GALNT17: variants seen among roughly 807,000 people sequenced by gnomAD.
GALNT17 encodes UDP-GalNAc:polypeptide N-acetylgalactosaminyltransferase-like 3.
A neutral mutation model predicts 63.7 loss-of-function variants in GALNT17; 29 were observed. That is an observed-to-expected ratio of 0.46 (90% confidence interval 0.34 to 0.62). The LOEUF is 0.62. Ranked by LOEUF, GALNT17 falls within the 20% of genes least tolerant of loss-of-function variation. The pLI is 0.01. For synonymous variants in GALNT17, 305 were observed against 318.3 expected, an observed-to-expected ratio of 0.96 and a Z score of 0.45; for missense variants, 603 against 799.6, an observed-to-expected ratio of 0.75 and a Z score of 2.97.
chr7:71,651,764 C>T (rs966825863), intron 6 of GALNT17, among the ~76,000 whole-genome samples: 5 of 152,020 alleles, frequency 3.3e-5, no homozygotes, highest in East Asian at 1.9e-4. Flanking sequence ...CAGGCTGGAG[C>T]GCAGTAGCAC....
rs938226302 is a variant in GALNT17 at position 71,588,417 on chromosome 7, A to G, written c.1080+17015A>G. On this transcript the variant is annotated intron_variant, in intron 6 of 10. Transcript: ENST00000333538. ...ATATTCCATTATAGATGTACAACCAATGTCTTTAAAATTATTTGACATAAT... is the reference window on the plus strand; with the variant it reads ...ATATTCCATTATAGATGTACAACCAGTGTCTTTAAAATTATTTGACATAAT... Among the ~76,000 whole-genome samples the G allele has an allele frequency of 1.3e-4, 20 of 152,172 alleles. No individual in the cohort carries two copies. The East Asian group carries it at 2.1e-3, about 16-fold the overall frequency.
chr7:71,620,275 T>G (rs1790271730), intron 6 of GALNT17, among the ~76,000 whole-genome samples: 1 of 152,188 alleles, frequency 6.6e-6, no homozygotes, highest in Non-Finnish European at 1.5e-5. Flanking sequence ...TCTGCCAGAT[T>G]TTGGTATCAG....
chr7:71,162,115 CCCTCCCTCCCTTCCTT>C (rs1788356307), intron 1 of GALNT17, among the ~76,000 whole-genome samples: 1 of 46,262 alleles, frequency 2.2e-5, no homozygotes, highest in Non-Finnish European at 3.8e-5. Context: ...CTTCCTCCCT[CCCTCCCTCCCTTCCTT>C]CCTTCCTTCC....
chr7:71,451,549 A>G (rs1352472288), intron 5 of GALNT17, among the ~76,000 whole-genome samples: 2 of 152,044 alleles, frequency 1.3e-5, no homozygotes, highest in Non-Finnish European at 2.9e-5. Flanking sequence ...CTTTCCTTAT[A>G]TTTGAATTTT....
intron 1 of GALNT17, among the ~76,000 whole-genome samples, chr7:71,190,031 T>C (rs1788922507): frequency 6.6e-6 from 1 of 152,088 alleles, no homozygotes; most frequent in Non-Finnish European, 1.5e-5. Flanking sequence ...CAGGATGGTC[T>C]CGATCACCTG....
chr7:71,477,126 T>C (rs958567819), intron 5 of GALNT17, among the ~76,000 whole-genome samples: 6 of 152,232 alleles, frequency 3.9e-5, no homozygotes, highest in African/African-American at 1.4e-4. Flanking sequence ...CTACTACTAA[T>C]AATTAATTAT....
At chr7:71,201,257 A>ATATATATATATATATATATATAT (rs10526171) in intron 1 of GALNT17, among the ~76,000 whole-genome samples, 38 of 148,158 alleles carry the variant, frequency 2.6e-4, no homozygotes, top group South Asian at 4.2e-4. Flanking sequence ...ATATATATAT[A>ATATATATATATATATATATATAT]ATTTGTGTGT....
At chr7:71,264,001 C>T (rs1790443198) in intron 1 of GALNT17, among the ~76,000 whole-genome samples, 1 of 152,200 alleles carries the variant, frequency 6.6e-6, no homozygotes, top group South Asian at 2.1e-4. Flanking sequence ...TTTGCGTTTT[C>T]TGGCATCTTC....
chr7:71,682,406 A>G (rs144898139), intron 9 of GALNT17, among the ~76,000 whole-genome samples: 1 of 151,896 alleles, frequency 6.6e-6, no homozygotes, highest in African/African-American at 2.4e-5. Flanking sequence ...TGTGAACTTG[A>G]CCTTCCTTAC....
intron 1 of GALNT17, among the ~76,000 whole-genome samples, chr7:71,305,472 C>T (rs1013322851): frequency 6.6e-5 from 10 of 152,274 alleles, no homozygotes; most frequent in East Asian, 5.8e-4. Flanking sequence ...GATTCAGTCC[C>T]GGAAATTCAG....
At chr7:71,327,964 T>C (rs867803252) in intron 1 of GALNT17, among the ~76,000 whole-genome samples, 2 of 152,210 alleles carry the variant, frequency 1.3e-5, no homozygotes, top group Admixed American at 6.5e-5. Flanking sequence ...AGTGTCCTTA[T>C]GTTGCCTCCT....
intron 5 of GALNT17, among the ~76,000 whole-genome samples, chr7:71,510,188 C>G (rs1584014291): frequency 6.6e-6 from 1 of 152,182 alleles, no homozygotes; most frequent in Non-Finnish European, 1.5e-5. Flanking sequence ...CTCAAGTGAT[C>G]CTCCCACTTT....
intron 5 of GALNT17, among the ~76,000 whole-genome samples, chr7:71,529,979 A>C (rs1788686985): frequency 6.6e-6 from 1 of 152,252 alleles, no homozygotes; most frequent in South Asian, 2.1e-4. Context: ...AATAGAGATT[A>C]ATTATGATAA....
chr7:71,338,658 C>CTT (rs1322442983), intron 2 of GALNT17, among the ~76,000 whole-genome samples: 1 of 152,146 alleles, frequency 6.6e-6, no homozygotes, highest in Non-Finnish European at 1.5e-5. Context: ...GGAGAGAAAA[C>CTT]CCCTGTGTTC....
chr7:71,685,010 T>C (rs1791331279), intron 9 of GALNT17, among the ~76,000 whole-genome samples: 1 of 152,002 alleles, frequency 6.6e-6, no homozygotes, highest in South Asian at 2.1e-4. Flanking sequence ...AACATGGAGA[T>C]TCAGATAGGG....
chr7:71,530,262 A>G (rs1788694927), intron 5 of GALNT17, among the ~76,000 whole-genome samples: 1 of 152,114 alleles, frequency 6.6e-6, no homozygotes, highest in Non-Finnish European at 1.5e-5. Context: ...GTTTATGTCT[A>G]ACCTTTTTGA....
chr7:71,513,439 G>C (rs1788396193), intron 5 of GALNT17, among the ~76,000 whole-genome samples: 2 of 151,946 alleles, frequency 1.3e-5, no homozygotes, highest in African/African-American at 2.4e-5. Flanking sequence ...AGGCTGGAGT[G>C]CAGTGGCACC....
rs371372359 is a variant in GALNT17 at position 71,572,504 on chromosome 7, TAAAAAAAAAAA to T, written c.1080+1118_1080+1128del. On this transcript the variant is annotated intron_variant, in intron 6 of 10. Transcript: ENST00000333538. ...GCAACAGAGCAAGACCCTGTCTCAT[TAAAAAAAAAAA>T]AAAAAAAAAAAAAAACTACATGTTT... Among the ~76,000 whole-genome samples the T allele has an allele frequency of 1.1e-3, 51 of 44,498 alleles. 2 individuals are homozygous for T. The highest frequency in any genetic ancestry group is 5.0e-3 in the African/African-American group (48 of 9,606). 29.2% of individuals were successfully genotyped at this position (44,498 alleles called of 152,430 possible). A position where few individuals can be genotyped will look rare whatever the true frequency, so the allele number is the denominator to read the frequency against.
At chr7:71,399,503 T>C (rs1043929309) in intron 3 of GALNT17, among the ~76,000 whole-genome samples, 3 of 152,192 alleles carry the variant, frequency 2.0e-5, no homozygotes, top group Non-Finnish European at 4.4e-5. Context: ...CTTCCTCAAT[T>C]TCATGGCTGT....
Sources: allele counts gnomAD v4.1 joint callset (sites outside exome capture counted in the v4.1 genomes callset), GRCh38; gene constraint gnomAD v4.1.1; transcripts MANE v1.5; gene names NCBI Gene and HGNC (gene_info 2026-07-23, HGNC 2026-07-21).